Variants in ARHGEF10 observed in about 807,000 individuals in gnomAD.
ARHGEF10 encodes Rho guanine nucleotide exchange factor 10.
A neutral mutation model predicts 147.4 loss-of-function variants in ARHGEF10; 140 were observed. The observed-to-expected ratio is 0.95, with a 90% CI of 0.83 to 1.09. ARHGEF10 has a LOEUF of 1.09. Ranked by LOEUF, ARHGEF10 falls within the 50% of genes least tolerant of loss-of-function variation. The pLI is 0.00. For synonymous variants in ARHGEF10, 902 were observed against 695.8 expected (o/e 1.30, Z -4.67); for missense variants, 2,222 against 1,752.7 (o/e 1.27, Z -4.78).
At chr8:1,839,705 A>AAG (rs1803848056) in intron 1 of ARHGEF10, among the ~76,000 whole-genome samples, 10 of 82,184 alleles carry the variant, frequency 1.2e-4, no homozygotes, top group South Asian at 4.7e-4. Context: ...CGGTGTGGGG[A>AAG]CTGTCTGGTG....
chr8:1,825,548 A>G (rs1489281450), intron 1 of ARHGEF10, among the ~76,000 whole-genome samples: 2 of 149,880 alleles, frequency 1.3e-5, no homozygotes, highest in East Asian at 2.0e-4. Flanking sequence ...CTGGTGCCCA[A>G]GAAGCCAAGG....
chr8:1,855,969 A>G (rs2129068014), intron 2 of ARHGEF10, among the ~76,000 whole-genome samples: 1 of 151,432 alleles, frequency 6.6e-6, no homozygotes, highest in South Asian at 2.1e-4. Flanking sequence ...CGCTTGGGAG[A>G]CAGTGAGGAC....
At chr8:1,863,699 C>T (rs1173087217) in intron 4 of ARHGEF10, among the ~76,000 whole-genome samples, 1 of 152,086 alleles carries the variant, frequency 6.6e-6, no homozygotes, top group African/African-American at 2.4e-5. Flanking sequence ...GCGTCTCAGG[C>T]TGTCCTTGGA....
In ARHGEF10 at chr8:1,918,126, A is replaced by C. The variant is rs188600897; in HGVS notation, c.2144-4838A>C. Among the ~76,000 whole-genome samples, 375 of 152,288 alleles carry C rather than the reference A, an allele frequency of 2.5e-3. 6 individuals carry two copies. Among genetic ancestry groups the C allele is most frequent in the Non-Finnish European group, 7.5e-4 (51 of 68,016 alleles). On this transcript the variant is annotated intron_variant, in intron 18 of 28. Coordinates refer to ENST00000349830, the MANE Select transcript of ARHGEF10 (RefSeq NM_014629.4). ...TTAATCAATTTTGGCCTGAAAATCA[A>C]CATGAAACAGTTTTTCTGAAACTGA...
intron 13 of ARHGEF10, among the ~76,000 whole-genome samples, chr8:1,895,955 C>T (rs1157073996): frequency 1.3e-5 from 2 of 152,138 alleles, no homozygotes; most frequent in African/African-American, 2.4e-5. Context: ...GGATATTGGG[C>T]CCACCATGGA....
intron 1 of ARHGEF10, 138 bp downstream of exon 1, chr8:1,824,251 T>C (rs1802598663): frequency 6.6e-6 from 1 of 151,962 alleles, no homozygotes; most frequent in Non-Finnish European, 1.5e-5. Context: ...TGCGCAGATG[T>C]TTCAGGGAAG....
chr8:1,930,453 T>A (rs529421257), intron 25 of ARHGEF10, among the ~76,000 whole-genome samples: 7 of 152,250 alleles, frequency 4.6e-5, no homozygotes, highest in African/African-American at 1.7e-4. Context: ...CAAATATTTG[T>A]TATTGAGCTT....
Position 1,942,315 on chromosome 8 carries a change from T to C in ARHGEF10, c.3223-3166T>C, listed in dbSNP as rs933790160. 4.6e-5 allele frequency among the ~76,000 whole-genome samples: 7 copies of C among 151,108 alleles called. No individual in the cohort carries two copies. In the East Asian group the frequency reaches 1.4e-3, roughly 29 times the overall value. On this transcript the variant is annotated intron_variant, in intron 26 of 28. Coordinates refer to ENST00000349830, the MANE Select transcript of ARHGEF10 (RefSeq NM_014629.4). Reference sequence around the variant, plus strand: ...GGCAAGGGAACTGAATGGATATTTCTCCAAAGAAGATGTACAGTCGACCCA... The same window carrying C: ...GGCAAGGGAACTGAATGGATATTTCCCCAAAGAAGATGTACAGTCGACCCA...
At chr8:1,835,051 G>A (rs1803497661) in intron 1 of ARHGEF10, among the ~76,000 whole-genome samples, 1 of 152,246 alleles carries the variant, frequency 6.6e-6, no homozygotes, top group Non-Finnish European at 1.5e-5. Flanking sequence ...GGGGAGTGCT[G>A]GGCGCTGATG....
intron 9 of ARHGEF10, among the ~76,000 whole-genome samples, chr8:1,880,949 C>G (rs576889123): frequency 1.3e-5 from 2 of 152,324 alleles, no homozygotes; most frequent in South Asian, 4.1e-4. Context: ...GTTACCCCCT[C>G]ACATGCAGCA....
chr8:1,895,415 T>C (rs1172558736), intron 13 of ARHGEF10, among the ~76,000 whole-genome samples: 1 of 152,252 alleles, frequency 6.6e-6, no homozygotes, highest in African/African-American at 2.4e-5. Flanking sequence ...ATACGTGAAA[T>C]GTTTTCCTAT....
At chr8:1,882,489 C>T in intron 9 of ARHGEF10, 146 bp from the exon 10 acceptor site, 1 of 764,432 alleles carries the variant, frequency 1.3e-6, no homozygotes, top group East Asian at 2.7e-5. Flanking sequence ...CAAACAAAAC[C>T]AAAACAAAAC....
intron 13 of ARHGEF10, 26 bp from the exon 14 acceptor site, chr8:1,896,307 T>G (rs767665681): frequency 1.3e-6 from 2 of 1,513,766 alleles, no homozygotes; most frequent in Admixed American, 1.7e-5. Flanking sequence ...CTGTGATTTC[T>G]CTCTGAATTT....
intron 7 of ARHGEF10, among the ~76,000 whole-genome samples, chr8:1,874,307 T>C (rs1485865980): frequency 6.6e-6 from 1 of 152,156 alleles, no homozygotes; most frequent in Non-Finnish European, 1.5e-5. Context: ...AGTAAAGGCG[T>C]CCAAACGTGC....
intron 11 of ARHGEF10, among the ~76,000 whole-genome samples, chr8:1,889,827 A>G (rs1435896804): frequency 9.2e-4 from 107 of 116,044 alleles, no homozygotes; most frequent in African/African-American, 3.5e-3. Flanking sequence ...GGTTTGTGAG[A>G]AGACACTAGG....
intron 3 of ARHGEF10, 151 bp from the exon 4 acceptor site, chr8:1,859,746 C>A (rs1290389570): frequency 5.4e-6 from 5 of 919,056 alleles, no homozygotes; most frequent in Non-Finnish European, 8.6e-6. Flanking sequence ...AGTGCTCCCT[C>A]CGAGGCCACC....
chr8:1,878,258 C>T (rs147971675), intron 8 of ARHGEF10, among the ~76,000 whole-genome samples: 115 of 152,102 alleles, frequency 7.6e-4, no homozygotes, highest in African/African-American at 2.5e-3. Context: ...GGCGTGATCT[C>T]GGCTCACTGC....
chr8:1,944,689 T>C (rs1814417903), intron 26 of ARHGEF10, among the ~76,000 whole-genome samples: 1 of 152,226 alleles, frequency 6.6e-6, no homozygotes. Context: ...TTCTTTAATT[T>C]CAAGAGCTGT....
At chr8:1,858,891 C>G (rs1805830854) in intron 3 of ARHGEF10, 1 of 179,502 alleles carries the variant, frequency 5.6e-6, no homozygotes, top group South Asian at 9.0e-5. Context: ...CAGCACCAGC[C>G]TCTCGGTTGT....
Sources: allele counts gnomAD v4.1 joint callset (sites outside exome capture counted in the v4.1 genomes callset), GRCh38; gene constraint gnomAD v4.1.1; transcripts MANE v1.5; gene names NCBI Gene and HGNC (gene_info 2026-07-23, HGNC 2026-07-21).